The following GPR89B variants were observed in gnomAD, a reference collection of about 807,000 sequenced individuals.
GPR89B encodes golgi pH regulator B.
GPR89B carries 25 observed loss-of-function variants against 52.4 expected under a neutral mutation model. That is an observed-to-expected ratio of 0.48 (90% CI 0.35 to 0.67). The LOEUF is 0.67. Among genes scored for constraint, GPR89B ranks in the 30% least tolerant of loss-of-function variants. GPR89B has a pLI of 0.01. For synonymous variants in GPR89B, 52 were observed against 151.2 expected, an observed-to-expected ratio of 0.34 and a Z score of 4.81; for missense variants, 146 against 450.2, an observed-to-expected ratio of 0.32 and a Z score of 6.11.
downstream of GPR89B, among the ~76,000 whole-genome samples, chr1:147,996,067 TCC>T (rs1357366388): frequency 2.4e-4 from 36 of 152,074 alleles, no homozygotes; most frequent in Non-Finnish European, 4.6e-4. Flanking sequence ...GGCTATAACT[TCC>T]ATATTCACAT....
At chr1:148,012,523 C>T in the GPR89B span, among the ~76,000 whole-genome samples, 159 of 150,402 alleles carry the variant, frequency 1.1e-3, 1 homozygote, top group Middle Eastern at 0.01. Flanking sequence ...GCAGCCCCCT[C>T]CTCTTTTTCA....
At chr1:148,000,501 A>T in the GPR89B span, among the ~76,000 whole-genome samples, 1 of 152,086 alleles carries the variant, frequency 6.6e-6, no homozygotes, top group East Asian at 1.9e-4. Context: ...TTGGGTTCAG[A>T]TACCACCTTC....
rs587714186 is a variant in GPR89B at position 147,947,376 on chromosome 1, GA to G, written c.415+3289del. ...GATAAGACCAATCCTTATGTAAAATGAAAAAAAAAAATCTGTAAAAGTACTT... is the reference window on the plus strand; with the variant it reads ...GATAAGACCAATCCTTATGTAAAATGAAAAAAAAAATCTGTAAAAGTACTT... On this transcript the variant is annotated intron_variant, in intron 5 of 13. Coordinates refer to ENST00000314163, the MANE Select transcript of GPR89B (RefSeq NM_016334.5). Among the ~76,000 whole-genome samples the G allele has an allele frequency of 8.9e-3, 1,284 of 144,200 alleles. 13 individuals carry two copies. The highest frequency in any genetic ancestry group is 0.03 in the African/African-American group (1,171 of 39,312). The allele number at this position is 144,200 out of a possible 152,430, so 94.6% of individuals were successfully genotyped here. A position where few individuals can be genotyped will look rare whatever the true frequency, so the allele number is the denominator to read the frequency against.
chr1:147,971,663 G>A (rs1360417089), intron 10 of GPR89B, among the ~76,000 whole-genome samples: 1 of 150,538 alleles, frequency 6.6e-6, no homozygotes, highest in East Asian at 2.0e-4. Context: ...TGTATTTTTA[G>A]TAGAGACAGG....
intron 10 of GPR89B, among the ~76,000 whole-genome samples, chr1:147,980,081 GTC>G (rs1658126156): frequency 6.9e-6 from 1 of 145,740 alleles, no homozygotes; most frequent in Non-Finnish European, 1.5e-5. Flanking sequence ...GGGAGACTCT[GTC>G]TCAAAAAAAA....
At chr1:147,951,417 G>C (rs1267273293) in intron 5 of GPR89B, among the ~76,000 whole-genome samples, 13 of 152,072 alleles carry the variant, frequency 8.5e-5, no homozygotes, top group Non-Finnish European at 1.6e-4. Context: ...ATTGCAGTCA[G>C]TTAAGGAATG....
chr1:147,943,615 G>A (rs1654731838), intron 4 of GPR89B, 71 bp downstream of exon 4: 1 of 1,520,068 alleles, frequency 6.6e-7, no homozygotes, highest in Admixed American at 2.1e-5. Context: ...ATTGTGGATA[G>A]CTTCATTTCT....
chr1:147,950,017 G>T (rs1167156470), intron 5 of GPR89B, among the ~76,000 whole-genome samples: 2 of 145,978 alleles, frequency 1.4e-5, no homozygotes, highest in African/African-American at 5.2e-5. Flanking sequence ...CTGGCCGGGC[G>T]GGGGGCTGAC....
In GPR89B at chr1:147,944,049, T is replaced by G; in HGVS notation, c.366T>G (p.Tyr122Ter). 6.3e-7 allele frequency: 1 copy of G among 1,578,728 alleles called. No individual in the cohort carries two copies. Among genetic ancestry groups the G allele is most frequent in the Admixed American group, 2.0e-5 (1 of 48,866 alleles). The change falls in exon 5 of 14, where the codon TAT (tyrosine) becomes TAG (stop). Residue 122 changes from tyrosine to a stop codon, truncating the protein, a stop_gained. Transcript: ENST00000314163. LOFTEE classifies it high-confidence loss of function. Reference sequence around the variant, plus strand: ...GTCTCTTATGGCTGACCTTTATGTATTTCTTCTGGAAACTAGGAGATCCCT... The same window carrying G: ...GTCTCTTATGGCTGACCTTTATGTAGTTCTTCTGGAAACTAGGAGATCCCT... ...FSCLLWLTFM[Y>*]FFWKLGDPFP...
chr1:147,942,040 G>T (rs1429063147), intron 3 of GPR89B, among the ~76,000 whole-genome samples: 3 of 151,000 alleles, frequency 2.0e-5, no homozygotes, highest in Non-Finnish European at 4.4e-5. Context: ...AAAAACAAGA[G>T]AAAATTTTTA....
intron 3 of GPR89B, among the ~76,000 whole-genome samples, chr1:147,939,346 A>G (rs1571227713): frequency 1.3e-5 from 2 of 152,096 alleles, no homozygotes; most frequent in South Asian, 2.1e-4. Context: ...CTCCCCTCCA[A>G]ATAATAGACT....
At chr1:148,000,796 C>A in the GPR89B span, among the ~76,000 whole-genome samples, 548 of 114,524 alleles carry the variant, frequency 4.8e-3, 8 homozygotes, top group East Asian at 0.039. Flanking sequence ...AAAAAAAAAA[C>A]AACAACAAAA....
At chr1:147,994,896 C>T (rs1448367803), downstream of GPR89B, among the ~76,000 whole-genome samples, 26 of 152,040 alleles carry the variant, frequency 1.7e-4, no homozygotes, top group East Asian at 4.6e-3. Flanking sequence ...TTTAGAGTCT[C>T]GGCTTTGCTA....
At chr1:147,995,482 C>T (rs1217646548), downstream of GPR89B, 5 of 1,216,766 alleles carry the variant, frequency 4.1e-6, no homozygotes, top group Non-Finnish European at 5.8e-6. Flanking sequence ...TTTACATTGT[C>T]ATTTTCTAGT....
Position 147,991,461 on chromosome 1 carries a change from C to T in GPR89B, c.1096-1041C>T, listed in dbSNP as rs1334110301. Among the ~76,000 whole-genome samples the T allele has an allele frequency of 7.9e-3, 1,203 of 152,172 alleles. 25 individuals carry two copies. The highest frequency in any genetic ancestry group is 0.047 in the East Asian group (242 of 5,176). ...TTATTTCTTTCTCCTGTCTGATTGC[C>T]CTGGCCAGAACTTCCAACACTATGT... On this transcript the variant is annotated intron_variant, in intron 12 of 13. Transcript: ENST00000314163.
Position 147,986,270 on chromosome 1 carries a change from G to A in GPR89B, c.981G>A (p.Val327=). ...DPVTRGIEIT[V]NYLGIQFDVK... The stretch of plus-strand genomic sequence containing the variant: ...TCACAAGAGGCATTGAGATCACTGT[G>A]AATTATCTGGGAATCCAATTTGATG... Residue 327 remains valine, a synonymous_variant, in exon 11 of 14, where the codon GTG becomes GTA. Coordinates refer to ENST00000314163, the MANE Select transcript of GPR89B (RefSeq NM_016334.5). 3.7e-6 allele frequency: 6 copies of A among 1,611,092 alleles called. No individual in the cohort carries two copies. Among genetic ancestry groups the A allele is most frequent in the Non-Finnish European group, 5.1e-6 (6 of 1,179,374 alleles).
At chr1:147,976,692 C>G (rs1657848050) in intron 10 of GPR89B, among the ~76,000 whole-genome samples, 1 of 151,872 alleles carries the variant, frequency 6.6e-6, no homozygotes, top group Non-Finnish European at 1.5e-5. Flanking sequence ...CATCATGATG[C>G]CAGCTGGTTA....
chr1:148,013,152 G>A, the GPR89B span, among the ~76,000 whole-genome samples: 1 of 152,004 alleles, frequency 6.6e-6, no homozygotes, highest in East Asian at 1.9e-4. Context: ...ACTTGGGGCG[G>A]GCGTGAGAGG....
intron 12 of GPR89B, among the ~76,000 whole-genome samples, chr1:147,990,262 G>C (rs1213085839): frequency 6.6e-6 from 1 of 151,492 alleles, no homozygotes; most frequent in East Asian, 1.9e-4. Context: ...CATGAGAAGT[G>C]TCTGTTCATA....
Sources: gnomAD v4.1 joint callset for allele counts (sites outside exome capture counted in the v4.1 genomes callset) on GRCh38, gnomAD v4.1.1 for gene constraint, MANE v1.5 for transcripts, NCBI Gene and HGNC (gene_info 2026-07-23, HGNC 2026-07-21) for gene names.